Variants in GNG7 observed in about 807,000 individuals in gnomAD.
GNG7 encodes the protein guanine nucleotide-binding protein G(I)/G(S)/G(O) subunit gamma-7.
A neutral mutation model predicts 4.0 loss-of-function variants in GNG7; 1 was observed. The ratio of observed to expected loss-of-function variants is 0.25; its 90% CI spans 0.09 to 1.18. The LOEUF (loss-of-function observed/expected upper bound fraction) is 1.18, where lower values mean the gene tolerates loss of function less well. Ranked by LOEUF, GNG7 falls within the 50% of genes most tolerant of loss-of-function variation. The pLI is 0.50. For missense variants in GNG7, 86 were observed against 91.9 expected, an observed-to-expected ratio of 0.94 and a Z score of 0.26; for synonymous variants, 34 against 36.9, an observed-to-expected ratio of 0.92 and a Z score of 0.29.
At chr19:2,556,384 G>C (rs186574789) in intron 2 of GNG7, among the ~76,000 whole-genome samples, 9 of 152,336 alleles carry the variant, frequency 5.9e-5, no homozygotes, top group African/African-American at 2.2e-4. Context: ...AGGCCGGGCT[G>C]GGCCGGGTTC....
chr19:2,601,053 T>G (rs1981183354), intron 2 of GNG7, among the ~76,000 whole-genome samples: 2 of 152,128 alleles, frequency 1.3e-5, no homozygotes, highest in Admixed American at 1.3e-4. Flanking sequence ...TAGGATCGCT[T>G]GAGCCCGGGA....
At chr19:2,602,922 T>TTTCTTTCTTTCTTTCTTTCTTTCTTTC (rs1491446709) in intron 2 of GNG7, among the ~76,000 whole-genome samples, 9 of 149,326 alleles carry the variant, frequency 6.0e-5, no homozygotes, top group African/African-American at 2.3e-4. Context: ...TCTTTCTTTC[T>TTTCTTTCTTTCTTTCTTTCTTTCTTTC]TTTTGTTTCT....
intron 1 of GNG7, among the ~76,000 whole-genome samples, chr19:2,655,206 C>A (rs1411930771): frequency 1.5e-4 from 20 of 137,814 alleles, no homozygotes; most frequent in African/African-American, 3.4e-4. Flanking sequence ...AAAAAAAAAA[C>A]CACACACACA....
At chr19:2,578,985 C>G (rs561023224) in intron 2 of GNG7, among the ~76,000 whole-genome samples, 3 of 152,242 alleles carry the variant, frequency 2.0e-5, no homozygotes, top group Non-Finnish European at 4.4e-5. Flanking sequence ...ACCTGCTTGT[C>G]TGTCGCTTGT....
chr19:2,590,254 A>G (rs1022504002), intron 2 of GNG7, among the ~76,000 whole-genome samples: 7 of 152,232 alleles, frequency 4.6e-5, no homozygotes, highest in African/African-American at 1.4e-4. Context: ...AAACAAAACT[A>G]TAAGAGGTAA....
chr19:2,586,378 C>T (rs776775524), intron 2 of GNG7, among the ~76,000 whole-genome samples: 7 of 152,312 alleles, frequency 4.6e-5, no homozygotes, highest in African/African-American at 7.2e-5. Context: ...TTTCCCATTC[C>T]GCTCAGCAGG....
Position 2,546,172 on chromosome 19 carries a change from A to C in GNG7, c.-38+8977T>G, listed in dbSNP as rs1979119260. Among the ~76,000 whole-genome samples the C allele has an allele frequency of 6.6e-6, 1 of 152,158 alleles. No individual in the cohort carries two copies. Among genetic ancestry groups the C allele is most frequent in the Non-Finnish European group, 1.5e-5 (1 of 68,014 alleles). ...GCAGAGCCCGGGGAGCCCGACTGAA[A>C]TGGAAACTTCAATACAAGAGACAGG... is the stretch of plus-strand genomic sequence containing the variant. On this transcript the variant is annotated intron_variant, in intron 3 of 4. Coordinates refer to ENST00000382159, the MANE Select transcript of GNG7 (RefSeq NM_052847.3). The surrounding 1 kb of genome is among the most constrained non-coding windows in gnomAD (Gnocchi z 6.3).
chr19:2,548,842 A>AGGGTCTCAG (rs2075368430), intron 3 of GNG7, among the ~76,000 whole-genome samples: 1 of 151,808 alleles, frequency 6.6e-6, no homozygotes, highest in African/African-American at 2.4e-5. Context: ...CCCTCTCAAG[A>AGGGTCTCAG]ATAATCTGAC....
At chr19:2,656,040 A>AAAG (rs1982964845) in intron 1 of GNG7, among the ~76,000 whole-genome samples, 1 of 111,850 alleles carries the variant, frequency 8.9e-6, no homozygotes, top group East Asian at 2.6e-4. Context: ...AAAAAAAAAA[A>AAAG]AAAGAAAGAA....
intron 2 of GNG7, among the ~76,000 whole-genome samples, chr19:2,623,468 G>GCA (rs1981934269): frequency 6.6e-6 from 1 of 152,186 alleles, no homozygotes; most frequent in Non-Finnish European, 1.5e-5. Flanking sequence ...CAGATAAACA[G>GCA]CATGGTGCAT....
intron 3 of GNG7, among the ~76,000 whole-genome samples, chr19:2,549,270 A>G (rs909162777): frequency 6.7e-6 from 1 of 149,940 alleles, no homozygotes; most frequent in Admixed American, 6.8e-5. Context: ...GAGGACATGC[A>G]CGGAGGGCTT....
chr19:2,553,766 G>T (rs925905698), intron 3 of GNG7, among the ~76,000 whole-genome samples: 1 of 147,390 alleles, frequency 6.8e-6, no homozygotes, highest in East Asian at 1.9e-4. Context: ...TGCACATATT[G>T]CATGTAATGT....
chr19:2,578,526 C>T (rs1057358524), intron 2 of GNG7, among the ~76,000 whole-genome samples: 1 of 152,222 alleles, frequency 6.6e-6, no homozygotes, highest in Non-Finnish European at 1.5e-5. Flanking sequence ...AAGGAATTCA[C>T]GAGCAACGCC....
chr19:2,561,648 C>T (rs1407982759), intron 2 of GNG7, among the ~76,000 whole-genome samples: 1 of 150,446 alleles, frequency 6.6e-6, no homozygotes, highest in Non-Finnish European at 1.5e-5. Flanking sequence ...GAGGCCGAGG[C>T]GGGTGGATCA....
At chr19:2,537,041 G>C (rs1233848164) in intron 3 of GNG7, among the ~76,000 whole-genome samples, 1 of 151,680 alleles carries the variant, frequency 6.6e-6, no homozygotes, top group African/African-American at 2.4e-5. Flanking sequence ...CCGCCTCCCG[G>C]GTTCACGCCA....
intron 3 of GNG7, among the ~76,000 whole-genome samples, chr19:2,522,590 C>G (rs1485977612): frequency 1.3e-5 from 2 of 151,290 alleles, no homozygotes; most frequent in South Asian, 2.1e-4. Context: ...CTGGCTAACA[C>G]GGTGAAACCC....
chr19:2,516,227 A>G (rs1361588269), intron 4 of GNG7, among the ~76,000 whole-genome samples: 1 of 151,958 alleles, frequency 6.6e-6, no homozygotes, highest in Non-Finnish European at 1.5e-5. Flanking sequence ...AATTAAGATA[A>G]ATAAACAAAT....
intron 2 of GNG7, among the ~76,000 whole-genome samples, chr19:2,568,231 G>A (rs533740115): frequency 3.8e-4 from 54 of 140,388 alleles, no homozygotes; most frequent in Middle Eastern, 4.3e-3. Flanking sequence ...ATGCACACAC[G>A]TGCACATACA....
chr19:2,653,238 A>G lies in GNG7; in HGVS notation c.-134-6958T>C, dbSNP rs73920532. ...CTTGTAATTCTGAAAAGGCTGATAG[A>G]TTTTATAGCCCAGTATCTCCAAGCA... On this transcript the variant is annotated intron_variant, in intron 1 of 4. Coordinates refer to ENST00000382159, the MANE Select transcript of GNG7 (RefSeq NM_052847.3). The surrounding 1 kb of genome is among the most constrained non-coding windows in gnomAD (Gnocchi z 4.8). Among the ~76,000 whole-genome samples, 6,165 of 152,240 alleles carry G rather than the reference A, an allele frequency of 0.04. 233 individuals are homozygous for G. The highest frequency in any genetic ancestry group is 0.095 in the African/African-American group (3,931 of 41,528).
Sources: gnomAD v4.1 joint callset for allele counts (sites outside exome capture counted in the v4.1 genomes callset) on GRCh38, gnomAD v4.1.1 for gene constraint, Gnocchi (gnomAD v3.1) non-coding constraint, MANE v1.5 for transcripts, NCBI Gene and HGNC (gene_info 2026-07-23, HGNC 2026-07-21) for gene names.